CDC14A: variants seen among roughly 807,000 people sequenced by gnomAD.
CDC14A encodes dual specificity protein phosphatase CDC14A.
In CDC14A, 53 loss-of-function variants were observed where a neutral mutation model predicts 74.4. The ratio of observed to expected loss-of-function variants is 0.71; its 90% CI spans 0.57 to 0.89. CDC14A has a LOEUF of 0.89. CDC14A is among the 40% of genes least tolerant of loss of function. The probability of loss-of-function intolerance (pLI) is 0.00; values close to 1 mark genes in which losing one functional copy is unlikely to be tolerated. For missense variants in CDC14A, 646 were observed against 713.7 expected (o/e 0.91, Z 1.08); for synonymous variants, 247 against 258.4 (o/e 0.96, Z 0.43).
chr1:100,502,761 A>T (rs543460073), intron 15 of CDC14A, among the ~76,000 whole-genome samples: 3 of 152,160 alleles, frequency 2.0e-5, no homozygotes, highest in Non-Finnish European at 4.4e-5. Flanking sequence ...TCCCCTAATG[A>T]TGTTTACATA....
chr1:100,362,658 CTTAAAAAAT>C (rs1652923627), intron 2 of CDC14A, among the ~76,000 whole-genome samples: 1 of 152,122 alleles, frequency 6.6e-6, no homozygotes, highest in Admixed American at 6.5e-5. Flanking sequence ...TTTCAATTTA[CTTAAAAAAT>C]ATATTGGTTT....
At chr1:100,492,810 T>C (rs1449571089) in intron 11 of CDC14A, among the ~76,000 whole-genome samples, 2 of 151,704 alleles carry the variant, frequency 1.3e-5, no homozygotes, top group Non-Finnish European at 2.9e-5. Flanking sequence ...ATTTCTCCCT[T>C]CTAACTTGGA....
chr1:100,392,024 T>C (rs1185874768), intron 4 of CDC14A, among the ~76,000 whole-genome samples: 1 of 152,236 alleles, frequency 6.6e-6, no homozygotes, highest in East Asian at 1.9e-4. Context: ...AAGGGCTCTG[T>C]GATGATGCAC....
intron 2 of CDC14A, among the ~76,000 whole-genome samples, chr1:100,375,009 T>G (rs900527291): frequency 2.0e-5 from 3 of 152,228 alleles, no homozygotes; most frequent in African/African-American, 7.2e-5. Flanking sequence ...TAAAATAATT[T>G]GCAATATTTA....
intron 3 of CDC14A, among the ~76,000 whole-genome samples, chr1:100,390,268 A>G (rs1019144872): frequency 6.6e-6 from 1 of 152,198 alleles, no homozygotes; most frequent in African/African-American, 2.4e-5. Context: ...TAAAATACTA[A>G]TATTGGTCTT....
chr1:100,393,070 C>T lies in CDC14A; in HGVS notation c.309+2246C>T, dbSNP rs540836107. 8 of 1,427,458 alleles carry T rather than the reference C, an allele frequency of 5.6e-6. 1 individual carries two copies. The African/African-American group carries it at 1.1e-4, about 20-fold the overall frequency. 88.4% of individuals were successfully genotyped at this position (1,427,458 alleles called of 1,614,324 possible). On this transcript the variant is annotated intron_variant, in intron 4 of 15. Coordinates refer to ENST00000336454, the MANE Select transcript of CDC14A (RefSeq NM_003672.4). ...CCGGATGTTTTCTTTGTTTGCCTTT[C>T]CATGTTGCTGTTTAATTTGATAGAT...
chr1:100,375,019 A>G (rs1655039868), intron 2 of CDC14A, among the ~76,000 whole-genome samples: 1 of 152,250 alleles, frequency 6.6e-6, no homozygotes, highest in South Asian at 2.1e-4. Context: ...TGCAATATTT[A>G]GTAGTATATG....
At chr1:100,484,916 A>C (rs1354382148) in intron 11 of CDC14A, 1 of 973,500 alleles carries the variant, frequency 1.0e-6, no homozygotes, top group Non-Finnish European at 1.2e-6. Context: ...AACCACGGTA[A>C]ATAGTTGATA....
intron 11 of CDC14A, among the ~76,000 whole-genome samples, chr1:100,490,829 C>A (rs948553106): frequency 2.6e-5 from 4 of 152,098 alleles, no homozygotes; most frequent in Admixed American, 1.3e-4. Context: ...GGAAGAGACA[C>A]AAATTTAAAT....
chr1:100,451,354 G>A (rs1666127544), intron 7 of CDC14A, among the ~76,000 whole-genome samples: 1 of 152,196 alleles, frequency 6.6e-6, no homozygotes, highest in Non-Finnish European at 1.5e-5. Context: ...TAGCAGAGGT[G>A]AAGCAGTCAT....
chr1:100,365,295 A>G (rs1009371191), intron 2 of CDC14A, among the ~76,000 whole-genome samples: 1 of 152,202 alleles, frequency 6.6e-6, no homozygotes, highest in Non-Finnish European at 1.5e-5. Flanking sequence ...TGTTTTCTGT[A>G]CCCAGACCCA....
intron 5 of CDC14A, among the ~76,000 whole-genome samples, chr1:100,436,218 C>G (rs185034108): frequency 1.3e-5 from 2 of 152,206 alleles, no homozygotes; most frequent in Admixed American, 1.3e-4. Flanking sequence ...CCAGGGCCAA[C>G]CATTAGATGG....
intron 5 of CDC14A, among the ~76,000 whole-genome samples, chr1:100,436,156 A>G (rs1183601893): frequency 3.3e-5 from 5 of 152,150 alleles, no homozygotes; most frequent in African/African-American, 1.2e-4. Context: ...CTTAGAAGGG[A>G]TCTTCCAATT....
chr1:100,479,827 T>C (rs1465890888), intron 10 of CDC14A, among the ~76,000 whole-genome samples: 1 of 152,156 alleles, frequency 6.6e-6, no homozygotes, highest in African/African-American at 2.4e-5. Context: ...AACTACTGAC[T>C]AAGCAAAAAT....
intron 4 of CDC14A, among the ~76,000 whole-genome samples, chr1:100,423,199 C>T (rs1662569797): frequency 6.6e-6 from 1 of 152,174 alleles, no homozygotes; most frequent in Non-Finnish European, 1.5e-5. Context: ...CTGTCCTCTT[C>T]TCTCAGTCCT....
At chr1:100,488,374 G>A (rs1333193494) in intron 11 of CDC14A, among the ~76,000 whole-genome samples, 1 of 152,136 alleles carries the variant, frequency 6.6e-6, no homozygotes, top group Admixed American at 6.5e-5. Flanking sequence ...GGTACATGGT[G>A]AGGTGGTCAT....
chr1:100,410,794 T>C (rs765397858), intron 4 of CDC14A, among the ~76,000 whole-genome samples: 7 of 152,232 alleles, frequency 4.6e-5, no homozygotes, highest in Non-Finnish European at 8.8e-5. Context: ...TTGGGGGATT[T>C]AACCACGATG....
intron 4 of CDC14A, among the ~76,000 whole-genome samples, chr1:100,391,604 C>A (rs1303662947): frequency 6.6e-6 from 1 of 152,156 alleles, no homozygotes; most frequent in Non-Finnish European, 1.5e-5. Context: ...TCCCCTCATC[C>A]TTGGGGAGGG....
chr1:100,498,869 C>A, intron 14 of CDC14A, 60 bp from the exon 15 acceptor site: 1 of 1,543,774 alleles, frequency 6.5e-7, no homozygotes, highest in South Asian at 1.3e-5. Flanking sequence ...GAAACGTGAG[C>A]TCTGTGTGAT....
Sources: allele counts gnomAD v4.1 joint callset (sites outside exome capture counted in the v4.1 genomes callset), GRCh38; gene constraint gnomAD v4.1.1; transcripts MANE v1.5; gene names NCBI Gene and HGNC (gene_info 2026-07-23, HGNC 2026-07-21).